GABRG3: variants seen among roughly 807,000 people sequenced by gnomAD.
The protein encoded by GABRG3 is gamma-aminobutyric acid receptor subunit gamma-3.
In GABRG3, 25 loss-of-function variants were observed where a neutral mutation model predicts 48.8. That is an observed-to-expected ratio of 0.51 (90% CI 0.37 to 0.72). The LOEUF is 0.72. Ranked by LOEUF, GABRG3 falls within the 30% of genes least tolerant of loss-of-function variation. The pLI, the probability that GABRG3 is intolerant of heterozygous loss-of-function variation, is 0.00. For synonymous variants in GABRG3, 227 were observed against 217.6 expected (o/e 1.04, Z -0.38); for missense variants, 394 against 577.9 (o/e 0.68, Z 3.26).
At chr15:27,070,201 T>C (rs1473198515) in intron 3 of GABRG3, among the ~76,000 whole-genome samples, 6 of 152,254 alleles carry the variant, frequency 3.9e-5, no homozygotes, top group Non-Finnish European at 7.3e-5. Context: ...ACAGCCTGAA[T>C]GCAGTTTGGA....
chr15:27,119,730 G>A (rs564867898), intron 3 of GABRG3, among the ~76,000 whole-genome samples: 332 of 152,278 alleles, frequency 2.2e-3, no homozygotes, highest in African/African-American at 5.8e-3. Flanking sequence ...CATTGGGTTC[G>A]TATGGAAAAT....
intron 3 of GABRG3, among the ~76,000 whole-genome samples, chr15:27,116,807 G>A (rs1897649140): frequency 6.6e-6 from 1 of 152,144 alleles, no homozygotes; most frequent in African/African-American, 2.4e-5. Flanking sequence ...TCTGCCATGT[G>A]AGGACAGACA....
At chr15:27,519,596 C>T (rs965360322) in intron 6 of GABRG3, among the ~76,000 whole-genome samples, 8 of 152,098 alleles carry the variant, frequency 5.3e-5, no homozygotes, top group Admixed American at 2.6e-4. Flanking sequence ...CTTAAAATGA[C>T]CCTGGGTCTG....
At chr15:27,116,883 C>T (rs1897650516) in intron 3 of GABRG3, among the ~76,000 whole-genome samples, 1 of 152,162 alleles carries the variant, frequency 6.6e-6, no homozygotes, top group Admixed American at 6.5e-5. Flanking sequence ...GAGAGCTGTC[C>T]TCACCAGACA....
chr15:27,399,216 C>T (rs1887409358), intron 5 of GABRG3, among the ~76,000 whole-genome samples: 1 of 152,158 alleles, frequency 6.6e-6, no homozygotes, highest in African/African-American at 2.4e-5. Context: ...TGAACACTTC[C>T]TCTGAGTCCC....
In GABRG3 at chr15:27,124,843, A is replaced by G. The variant is rs1401921882; in HGVS notation, c.270+98022A>G. Reference sequence around the variant, plus strand: ...CTGTTCTGGTTCCTTTGAAAAATAGACTTTGAAAGCTTGCCCAACCTTTTT... The same window carrying G: ...CTGTTCTGGTTCCTTTGAAAAATAGGCTTTGAAAGCTTGCCCAACCTTTTT... On this transcript the variant is annotated intron_variant, in intron 3 of 9. Transcript: ENST00000615808. Among the ~76,000 whole-genome samples the G allele has an allele frequency of 2.0e-5, 3 of 152,280 alleles. No homozygotes were observed. In the East Asian group the frequency reaches 5.8e-4, roughly 29 times the overall value.
Position 27,202,231 on chromosome 15 carries a change from G to T in GABRG3, c.271-124578G>T, listed in dbSNP as rs937470704. On this transcript the variant is annotated intron_variant, in intron 3 of 9. Coordinates refer to ENST00000615808, the MANE Select transcript of GABRG3 (RefSeq NM_033223.5). ...TATATTTTTGTTTCCTTTTTATAAG[G>T]TTAGATTCTTATTAAAGATATTTTT... 2.0e-5 allele frequency among the ~76,000 whole-genome samples: 3 copies of T among 152,002 alleles called. No individual in the cohort carries two copies. The South Asian group carries it at 6.2e-4, about 32-fold the overall frequency.
chr15:27,125,961 G>A (rs1220807761), intron 3 of GABRG3, among the ~76,000 whole-genome samples: 2 of 152,204 alleles, frequency 1.3e-5, no homozygotes, highest in African/African-American at 4.8e-5. Flanking sequence ...CTTCCAAATG[G>A]CATGTTCCAG....
intron 5 of GABRG3, among the ~76,000 whole-genome samples, chr15:27,413,665 C>T (rs1214580113): frequency 1.3e-5 from 2 of 152,064 alleles, no homozygotes; most frequent in South Asian, 2.1e-4. Flanking sequence ...GATTTTAAGA[C>T]GGAGAATGCA....
chr15:27,209,005 C>A (rs1160958126), intron 3 of GABRG3, among the ~76,000 whole-genome samples: 1 of 152,170 alleles, frequency 6.6e-6, no homozygotes, highest in Non-Finnish European at 1.5e-5. Context: ...ATTCCCTGAG[C>A]CTGGCGGACC....
At position 26,971,586 on chromosome 15, in the gene GABRG3, G is replaced by T; in HGVS notation, c.51G>T (p.Ala17=). The change falls in exon 1 of 10, where the codon GCG becomes GCT. Residue 17 remains alanine (A), a splice_region_variant and synonymous_variant. Coordinates refer to ENST00000615808, the MANE Select transcript of GABRG3 (RefSeq NM_033223.5). ...TCTGCCTGTTCTCGGGCTTGCACGC[G>T]CGGTAAGTGGCGCGGGGGCCGCATC... is the stretch of plus-strand genomic sequence containing the variant. ...LLLCLFSGLH[A]RSRKVEEDEY... 6.5e-7 allele frequency: 1 copy of T among 1,528,242 alleles called. No individual in the cohort carries two copies. The highest frequency in any genetic ancestry group is 1.4e-5 in the African/African-American group (1 of 69,952). The allele number at this position is 1,528,242 out of a possible 1,614,324, so 94.7% of individuals were successfully genotyped here.
rs74990041 is a variant in GABRG3 at position 27,042,608 on chromosome 15, C to T, written c.270+15787C>T. Reference sequence around the variant, plus strand: ...CATGTCCCGCACACATCACCACACTCGCTGGTGCAATTCTGTGGGAGCCGC... The same window carrying T: ...CATGTCCCGCACACATCACCACACTTGCTGGTGCAATTCTGTGGGAGCCGC... On this transcript the variant is annotated intron_variant, in intron 3 of 9. Coordinates refer to ENST00000615808, the MANE Select transcript of GABRG3 (RefSeq NM_033223.5). 4.0e-3 allele frequency among the ~76,000 whole-genome samples: 609 copies of T among 152,350 alleles called. 3 individuals are homozygous for T. The highest frequency in any genetic ancestry group is 0.014 in the African/African-American group (594 of 41,586).
At chr15:27,315,773 A>G (rs1595671599) in intron 3 of GABRG3, among the ~76,000 whole-genome samples, 1 of 152,182 alleles carries the variant, frequency 6.6e-6, no homozygotes, top group East Asian at 1.9e-4. Context: ...AATAATTAAA[A>G]TGTTCTTAGA....
intron 5 of GABRG3, among the ~76,000 whole-genome samples, chr15:27,333,278 C>T (rs1893859712): frequency 6.6e-6 from 1 of 152,178 alleles, no homozygotes; most frequent in African/African-American, 2.4e-5. Flanking sequence ...TAATATCTTA[C>T]ATTTCTGTAG....
At chr15:27,022,792 A>G (rs1895920263) in intron 2 of GABRG3, among the ~76,000 whole-genome samples, 1 of 152,114 alleles carries the variant, frequency 6.6e-6, no homozygotes, top group African/African-American at 2.4e-5. Flanking sequence ...TGATAGTTCA[A>G]ATAGCCCTCC....
At chr15:27,306,613 A>C (rs1892485201) in intron 3 of GABRG3, among the ~76,000 whole-genome samples, 1 of 128,746 alleles carries the variant, frequency 7.8e-6, no homozygotes, top group South Asian at 2.3e-4. Flanking sequence ...GTTTATATAT[A>C]AACATATATA....
At chr15:27,397,342 T>C (rs1488173534) in intron 5 of GABRG3, among the ~76,000 whole-genome samples, 1 of 152,188 alleles carries the variant, frequency 6.6e-6, no homozygotes, top group African/African-American at 2.4e-5. Context: ...AATCTACAGT[T>C]CTCTAACAAT....
intron 3 of GABRG3, among the ~76,000 whole-genome samples, chr15:27,111,278 C>T (rs1045760470): frequency 6.6e-6 from 1 of 152,130 alleles, no homozygotes; most frequent in African/African-American, 2.4e-5. Flanking sequence ...GCTTCCTTTG[C>T]TCTTGCATGT....
rs570198448 is a variant in GABRG3, at chr15:27,467,816, T to TA, written c.575-12832dup. On this transcript the variant is annotated intron_variant, in intron 5 of 9. Transcript: ENST00000615808. ...TTCCTAGAAATGTAGTCGTCTCCCC[T>TA]AATCCACGTTTTGCTTTCTGCAGTT... Among the ~76,000 whole-genome samples, 7 of 152,332 alleles carry TA rather than the reference T, an allele frequency of 4.6e-5. No homozygotes were observed. In the East Asian group the frequency reaches 1.4e-3, roughly 29 times the overall value.
Sources: gnomAD v4.1 joint callset for allele counts (sites outside exome capture counted in the v4.1 genomes callset) on GRCh38, gnomAD v4.1.1 for gene constraint, MANE v1.5 for transcripts, NCBI Gene and HGNC (gene_info 2026-07-23, HGNC 2026-07-21) for gene names.